TENM2: variants seen among roughly 807,000 people sequenced by gnomAD.
TENM2 encodes the protein teneurin transmembrane protein 2.
TENM2 carries 52 observed loss-of-function variants against 245.2 expected under a neutral mutation model. The ratio of observed to expected loss-of-function variants is 0.21; its 90% CI spans 0.17 to 0.27. The LOEUF (loss-of-function observed/expected upper bound fraction) is 0.27, where lower values mean the gene tolerates loss of function less well. TENM2 is among the 10% of genes least tolerant of loss of function. The probability of loss-of-function intolerance (pLI) is 1.00; values close to 1 mark genes in which losing one functional copy is unlikely to be tolerated. For synonymous variants in TENM2, 1,363 were observed against 1,438.9 expected, an observed-to-expected ratio of 0.95 and a Z score of 1.19; for missense variants, 3,046 against 3,666.8, an observed-to-expected ratio of 0.83 and a Z score of 4.37.
intron 17 of TENM2, among the ~76,000 whole-genome samples, chr5:168,202,165 A>G (rs1288848182): frequency 6.6e-6 from 1 of 152,132 alleles, no homozygotes; most frequent in Non-Finnish European, 1.5e-5. Context: ...TTCCTTCCTC[A>G]TCTATTAGCT....
rs145017360 is a variant in TENM2 at position 167,928,166 on chromosome 5, A to T, written c.713-24422A>T. On this transcript the variant is annotated intron_variant, in intron 3 of 28. Coordinates refer to ENST00000518659, the Ensembl canonical transcript of TENM2. ...ATAACAATGGTAAGACAAATGTAAG[A>T]ATTATCTTTGTCATTTCTTGTCTCT... 1.0e-3 allele frequency among the ~76,000 whole-genome samples: 152 copies of T among 152,158 alleles called. 1 individual carries two copies. The East Asian group carries it at 0.023, about 23-fold the overall frequency.
the TENM2 span, among the ~76,000 whole-genome samples, chr5:167,268,147 T>C: frequency 6.6e-6 from 1 of 152,116 alleles, no homozygotes. Flanking sequence ...TATAGAGGCA[T>C]AGAGATGGAA....
the TENM2 span, among the ~76,000 whole-genome samples, chr5:167,124,496 A>G: frequency 2.0e-5 from 3 of 152,208 alleles, no homozygotes; most frequent in Admixed American, 6.5e-5. Flanking sequence ...ACTCTACTGC[A>G]TGCTTGCCTC....
At position 167,616,928 on chromosome 5, in the gene TENM2, C is replaced by A. The variant is rs116429958; in HGVS notation, c.502+241455C>A. Among the ~76,000 whole-genome samples, 982 of 152,120 alleles carry A rather than the reference C, an allele frequency of 6.5e-3. 12 individuals are homozygous for A. Among genetic ancestry groups the A allele is most frequent in the African/African-American group, 0.023 (935 of 41,512 alleles). ...AGCATTTGTTCTGTAGGGAGGCCTT[C>A]CATGATGATTATCTGGTTTTGCATT... is the stretch of plus-strand genomic sequence containing the variant. On this transcript the variant is annotated intron_variant, in intron 2 of 28. Transcript: ENST00000518659.
chr5:167,367,998 C>G (rs1356351497), intron 1 of TENM2, among the ~76,000 whole-genome samples: 1 of 151,946 alleles, frequency 6.6e-6, no homozygotes. Flanking sequence ...AAAATGTACG[C>G]TCTAACATTT....
At chr5:167,790,411 C>T (rs1338671003) in intron 2 of TENM2, among the ~76,000 whole-genome samples, 3 of 152,126 alleles carry the variant, frequency 2.0e-5, no homozygotes, top group Non-Finnish European at 2.9e-5. Flanking sequence ...AAGCGATGTT[C>T]GACTCTGCAT....
intron 13 of TENM2, among the ~76,000 whole-genome samples, chr5:168,183,630 C>T (rs1268074061): frequency 6.6e-6 from 1 of 152,130 alleles, no homozygotes; most frequent in Non-Finnish European, 1.5e-5. Context: ...TTTCATCTTT[C>T]TTGCCCCAAC....
intron 2 of TENM2, among the ~76,000 whole-genome samples, chr5:167,543,911 G>A (rs970075492): frequency 6.6e-6 from 1 of 152,094 alleles, no homozygotes; most frequent in African/African-American, 2.4e-5. Context: ...AGTCATGTTG[G>A]ATAAACATGG....
At chr5:166,982,367 G>A in the TENM2 span, among the ~76,000 whole-genome samples, 1 of 152,018 alleles carries the variant, frequency 6.6e-6, no homozygotes, top group African/African-American at 2.4e-5. Context: ...TTTTCATTGT[G>A]CAATTGAAGG....
At chr5:167,611,957 A>G (rs1244567412) in intron 2 of TENM2, among the ~76,000 whole-genome samples, 1 of 152,114 alleles carries the variant, frequency 6.6e-6, no homozygotes, top group Non-Finnish European at 1.5e-5. Flanking sequence ...AACAAGTCAC[A>G]TTTTATATCA....
rs143505078 is a variant in TENM2 at position 168,025,254 on chromosome 5, C to A, written c.1187-22173C>A. 1.2e-3 allele frequency among the ~76,000 whole-genome samples: 186 copies of A among 152,280 alleles called. 1 individual carries two copies. Among genetic ancestry groups the A allele is most frequent in the African/African-American group, 4.2e-3 (176 of 41,562 alleles). On this transcript the variant is annotated intron_variant, in intron 5 of 28. Transcript: ENST00000518659. Reference sequence around the variant, plus strand: ...GGTTTCTGAAACAATTTTGAGGAAGCCAAACAAATACAGGCCCTGCATTTC... The same window carrying A: ...GGTTTCTGAAACAATTTTGAGGAAGACAAACAAATACAGGCCCTGCATTTC...
At chr5:167,853,289 C>CAAGAAAAAAAAAA (rs1770760616) in intron 2 of TENM2, among the ~76,000 whole-genome samples, 1 of 24,622 alleles carries the variant, frequency 4.1e-5, no homozygotes. Flanking sequence ...GACTCCGTCT[C>CAAGAAAAAAAAAA]AAAAAAAAAA....
intron 2 of TENM2, among the ~76,000 whole-genome samples, chr5:167,790,227 T>G (rs1392705042): frequency 1.3e-5 from 2 of 152,142 alleles, no homozygotes; most frequent in East Asian, 3.9e-4. Flanking sequence ...ACGGTCTGTT[T>G]CTAAGACTGT....
At chr5:167,451,135 C>T (rs1168654001) in intron 2 of TENM2, among the ~76,000 whole-genome samples, 3 of 152,134 alleles carry the variant, frequency 2.0e-5, no homozygotes, top group African/African-American at 7.2e-5. Flanking sequence ...TATTTATCTG[C>T]ACACTCTAAA....
At chr5:167,700,412 T>C (rs1758060487) in intron 2 of TENM2, among the ~76,000 whole-genome samples, 1 of 152,176 alleles carries the variant, frequency 6.6e-6, no homozygotes, top group Non-Finnish European at 1.5e-5. Flanking sequence ...CATGTTCAGG[T>C]TGTACACTGC....
chr5:167,751,006 A>C (rs953367616), intron 2 of TENM2, among the ~76,000 whole-genome samples: 7 of 152,198 alleles, frequency 4.6e-5, no homozygotes, highest in African/African-American at 1.7e-4. Flanking sequence ...TCCTTAAAGA[A>C]GTAAACTGAT....
chr5:167,458,494 CAA>C (rs70976430), intron 2 of TENM2, among the ~76,000 whole-genome samples: 11,763 of 81,780 alleles, frequency 0.14, 347 homozygotes, highest in South Asian at 0.21. Flanking sequence ...CTCAAAAAAA[CAA>C]AAAAAAAAAA....
the TENM2 span, among the ~76,000 whole-genome samples, chr5:167,020,981 T>G: frequency 6.6e-6 from 1 of 151,900 alleles, no homozygotes; most frequent in Admixed American, 6.6e-5. Context: ...CTGTCTCTAC[T>G]AAAATACAAA....
At chr5:167,668,934 C>T (rs1026260257) in intron 2 of TENM2, among the ~76,000 whole-genome samples, 1 of 152,036 alleles carries the variant, frequency 6.6e-6, no homozygotes, top group Non-Finnish European at 1.5e-5. Flanking sequence ...GCCTGAGTGA[C>T]GGGAGTGAAA....
Sources: allele counts gnomAD v4.1 joint callset (sites outside exome capture counted in the v4.1 genomes callset), GRCh38; gene constraint gnomAD v4.1.1; transcripts MANE v1.5; gene names NCBI Gene and HGNC (gene_info 2026-07-23, HGNC 2026-07-21).